Variants in GPR158 observed in about 807,000 individuals in gnomAD.
GPR158 encodes the protein metabotropic glycine receptor.
Under a neutral mutation model 78.2 loss-of-function variants are expected in GPR158, and 30 were observed. The ratio of observed to expected loss-of-function variants is 0.38; its 90% CI spans 0.29 to 0.52. The LOEUF (loss-of-function observed/expected upper bound fraction) is 0.52, where lower values mean the gene tolerates loss of function less well. Among genes scored for constraint, GPR158 ranks in the 20% least tolerant of loss-of-function variants. The pLI is 0.83. For synonymous variants in GPR158, 581 were observed against 591.1 expected, an observed-to-expected ratio of 0.98 and a Z score of 0.25; for missense variants, 1,463 against 1,523.5, an observed-to-expected ratio of 0.96 and a Z score of 0.66.
chr10:25,404,905 T>C (rs1172979127), intron 3 of GPR158, among the ~76,000 whole-genome samples: 1 of 152,036 alleles, frequency 6.6e-6, no homozygotes, highest in Non-Finnish European at 1.5e-5. Flanking sequence ...CAGACCATGA[T>C]GGCACAAAGG....
chr10:25,365,753 G>A (rs1438020846), intron 2 of GPR158, among the ~76,000 whole-genome samples: 1 of 151,468 alleles, frequency 6.6e-6, no homozygotes, highest in Non-Finnish European at 1.5e-5. Context: ...TGTTTTTATT[G>A]ACATATAAAT....
chr10:25,246,923 G>A (rs1006342743), intron 2 of GPR158, among the ~76,000 whole-genome samples: 1 of 152,164 alleles, frequency 6.6e-6, no homozygotes, highest in African/African-American at 2.4e-5. Context: ...TTATTAACAG[G>A]TATTGAAGAG....
chr10:25,375,316 C>G (rs550090957), intron 2 of GPR158, among the ~76,000 whole-genome samples: 2 of 151,638 alleles, frequency 1.3e-5, no homozygotes, highest in South Asian at 4.1e-4. Context: ...TTTCTCCCAA[C>G]CCATACCTCT....
At chr10:25,391,644 T>C (rs955877398) in intron 2 of GPR158, among the ~76,000 whole-genome samples, 1 of 152,182 alleles carries the variant, frequency 6.6e-6, no homozygotes. Context: ...ACTGACTTGT[T>C]TTTGATCTTA....
In GPR158 at chr10:25,195,327, T is replaced by A. The variant is rs1238998617; in HGVS notation, c.902+19005T>A. ...TTCAAGCAAGTCTCATGCCTCAGCC[T>A]CCCAAGTAGATGGGACTACAGGCAT... is the stretch of plus-strand genomic sequence containing the variant. On this transcript the variant is annotated intron_variant, in intron 1 of 10. Coordinates refer to ENST00000376351, the MANE Select transcript of GPR158 (RefSeq NM_020752.3). Among the ~76,000 whole-genome samples the A allele has an allele frequency of 6.6e-5, 10 of 152,040 alleles. 1 individual carries two copies. Among genetic ancestry groups the A allele is most frequent in the African/African-American group, 2.4e-4 (10 of 41,404 alleles).
chr10:25,257,288 A>C lies in GPR158; in HGVS notation c.1008+36131A>C, dbSNP rs148172237. Among the ~76,000 whole-genome samples the C allele has an allele frequency of 8.7e-3, 1,321 of 152,288 alleles. 49 individuals are homozygous for C. The highest frequency in any genetic ancestry group is 0.058 in the Admixed American group (881 of 15,296). ...CTGCAGGCTAAGCCCTCATGATATAATCTTTTAAAGGCCCTGTCTTTTAAT... is the reference window on the plus strand; with the variant it reads ...CTGCAGGCTAAGCCCTCATGATATACTCTTTTAAAGGCCCTGTCTTTTAAT... On this transcript the variant is annotated intron_variant, in intron 2 of 10. Transcript: ENST00000376351.
intron 6 of GPR158, among the ~76,000 whole-genome samples, chr10:25,562,846 T>C (rs1256277916): frequency 6.6e-6 from 1 of 152,198 alleles, no homozygotes; most frequent in African/African-American, 2.4e-5. Context: ...TGTGCAGATA[T>C]CCAATCCATT....
chr10:25,300,898 T>A (rs1034207832), intron 2 of GPR158, among the ~76,000 whole-genome samples: 12 of 151,946 alleles, frequency 7.9e-5, no homozygotes, highest in Non-Finnish European at 1.5e-4. Flanking sequence ...TTGAATTCAT[T>A]TGGCTTTGTC....
intron 5 of GPR158, among the ~76,000 whole-genome samples, chr10:25,515,662 T>C (rs1218008920): frequency 6.7e-6 from 1 of 148,532 alleles, no homozygotes; most frequent in African/African-American, 2.5e-5. Context: ...GAATGATGAT[T>C]TCCAATTTCA....
At chr10:25,393,583 G>C (rs1834330928) in intron 2 of GPR158, 1 of 152,148 alleles carries the variant, frequency 6.6e-6, no homozygotes, top group African/African-American at 2.4e-5. Context: ...AGTGTCCCGA[G>C]TCTCACCACT....
intron 1 of GPR158, among the ~76,000 whole-genome samples, chr10:25,201,441 T>A (rs994616162): frequency 1.3e-5 from 2 of 152,168 alleles, no homozygotes; most frequent in Non-Finnish European, 2.9e-5. Flanking sequence ...ATACCATCTG[T>A]AAACAGAGAT....
At position 25,475,138 on chromosome 10, in the gene GPR158, C is replaced by G. The variant is rs189667311; in HGVS notation, c.1404+8419C>G. Among the ~76,000 whole-genome samples the G allele has an allele frequency of 1.5e-4, 23 of 152,182 alleles. No individual in the cohort carries two copies. The East Asian group carries it at 4.4e-3, about 29-fold the overall frequency. ...AAAAGCAGTTACAAGGGAATCTTTC[C>G]TTGACTGAGATTCAATTTTAAAAGA... On this transcript the variant is annotated intron_variant, in intron 5 of 10. Coordinates refer to ENST00000376351, the MANE Select transcript of GPR158 (RefSeq NM_020752.3).
intron 3 of GPR158, among the ~76,000 whole-genome samples, chr10:25,399,063 C>T (rs1174255234): frequency 6.6e-6 from 1 of 152,166 alleles, no homozygotes. Context: ...TTAATTGACT[C>T]ACAGTTTCAC....
intron 2 of GPR158, among the ~76,000 whole-genome samples, chr10:25,232,871 T>C (rs1286284612): frequency 1.3e-5 from 2 of 152,228 alleles, no homozygotes; most frequent in African/African-American, 4.8e-5. Context: ...GATTTTTGTA[T>C]TTTAAAATAT....
At chr10:25,374,254 T>A (rs1451008605) in intron 2 of GPR158, among the ~76,000 whole-genome samples, 1 of 151,496 alleles carries the variant, frequency 6.6e-6, no homozygotes. Context: ...ATATGTAGTT[T>A]TTTTTATAAT....
chr10:25,331,454 G>A (rs867211805), intron 2 of GPR158, among the ~76,000 whole-genome samples: 21 of 152,280 alleles, frequency 1.4e-4, no homozygotes, highest in Middle Eastern at 3.4e-3. Flanking sequence ...TTGTTTTGGT[G>A]TGATCAGCTG....
chr10:25,311,442 A>ATG (rs1854763069), intron 2 of GPR158, among the ~76,000 whole-genome samples: 1 of 151,974 alleles, frequency 6.6e-6, no homozygotes, highest in South Asian at 2.1e-4. Context: ...AAATGCCTTT[A>ATG]TTATAACATT....
intron 2 of GPR158, among the ~76,000 whole-genome samples, chr10:25,357,357 C>T (rs781578543): frequency 5.3e-5 from 8 of 152,110 alleles, no homozygotes; most frequent in African/African-American, 9.7e-5. Context: ...AAATGTTAAT[C>T]CCCAAGACGA....
chr10:25,528,177 C>T (rs895815856), intron 5 of GPR158, among the ~76,000 whole-genome samples: 11 of 152,046 alleles, frequency 7.2e-5, no homozygotes, highest in Admixed American at 3.9e-4. Context: ...CATATTGTTC[C>T]AATATCCTGA....
Sources: allele counts gnomAD v4.1 joint callset (sites outside exome capture counted in the v4.1 genomes callset), GRCh38; gene constraint gnomAD v4.1.1; transcripts MANE v1.5; gene names NCBI Gene and HGNC (gene_info 2026-07-23, HGNC 2026-07-21).